Variants in TNFSF11 observed in about 807,000 individuals in gnomAD.
TNFSF11 encodes the protein TNF superfamily member 11.
A neutral mutation model predicts 32.2 loss-of-function variants in TNFSF11; 12 were observed. The observed-to-expected ratio is 0.37, with a 90% CI of 0.24 to 0.60. The LOEUF (loss-of-function observed/expected upper bound fraction) is 0.60. Ranked by LOEUF, TNFSF11 falls within the 20% of genes least tolerant of loss-of-function variation. TNFSF11 has a pLI of 0.66. For synonymous variants in TNFSF11, 172 were observed against 152.1 expected (o/e 1.13, Z -0.96); for missense variants, 345 against 398.0 (o/e 0.87, Z 1.13).
chr13:42,594,293 G>A (rs2137891695), intron 2 of TNFSF11, among the ~76,000 whole-genome samples: 1 of 152,044 alleles, frequency 6.6e-6, no homozygotes, highest in East Asian at 1.9e-4. Flanking sequence ...TATTGGCCAG[G>A]CTGGTCTTGA....
chr13:42,574,806 T>C (rs1873227260), intron 1 of TNFSF11, among the ~76,000 whole-genome samples: 1 of 152,188 alleles, frequency 6.6e-6, no homozygotes, highest in South Asian at 2.1e-4. Context: ...CCCCGTCCCT[T>C]CGCTGGGAAA....
chr13:42,598,430 T>A (rs956942763), intron 2 of TNFSF11, among the ~76,000 whole-genome samples: 9 of 152,200 alleles, frequency 5.9e-5, no homozygotes, highest in Admixed American at 2.6e-4. Flanking sequence ...ATGCTGCATA[T>A]CCAGCTTTGC....
Position 42,600,820 on chromosome 13 carries a change from G to T in TNFSF11, c.433+23G>T, listed in dbSNP as rs1406754821. ...AAGGTAAGCATGGATCCATACATCT[G>T]TATGAAATCCCACAGGGTCACTACT... On this transcript the variant is annotated intron_variant, in intron 3 of 4. Coordinates refer to ENST00000398795, the MANE Select transcript of TNFSF11 (RefSeq NM_003701.4). The T allele has an allele frequency of 1.9e-6, 3 of 1,614,076 alleles. No individual in the cohort carries two copies. The South Asian group carries it at 3.3e-5, about 18-fold the overall frequency.
chr13:42,579,468 C>T (rs1204546921), intron 1 of TNFSF11, among the ~76,000 whole-genome samples: 1 of 151,236 alleles, frequency 6.6e-6, no homozygotes, highest in Non-Finnish European at 1.5e-5. Flanking sequence ...ATAAAGGGGA[C>T]TGCTGCTTCT....
rs575859416 is a variant in TNFSF11 at position 42,602,652 on chromosome 13, A to G, written c.532+1671A>G. The stretch of plus-strand genomic sequence containing the variant: ...TACACTAATTTTCTCTGAGTGGAAA[A>G]CTGTTTTGCATGTTAGCAAAGGCAA... On this transcript the variant is annotated intron_variant, in intron 4 of 4. Coordinates refer to ENST00000398795, the MANE Select transcript of TNFSF11 (RefSeq NM_003701.4). Among the ~76,000 whole-genome samples, 35 of 152,308 alleles carry G rather than the reference A, an allele frequency of 2.3e-4. No individual in the cohort carries two copies. In the Middle Eastern group the frequency reaches 0.014, roughly 59 times the overall value.
chr13:42,565,213 T>C (rs1358368577), intron 1 of TNFSF11, among the ~76,000 whole-genome samples: 2 of 1,950 alleles, frequency 1.0e-3, no homozygotes, highest in Non-Finnish European at 0.036. Flanking sequence ...ACTTTTAAAA[T>C]ATATATATAT....
intron 2 of TNFSF11, among the ~76,000 whole-genome samples, chr13:42,586,132 T>C (rs527539495): frequency 5.3e-5 from 8 of 152,268 alleles, no homozygotes; most frequent in Admixed American, 1.3e-4. Context: ...AATACATATG[T>C]ACATTTCAGA....
chr13:42,583,928 C>T (rs1594465787), intron 2 of TNFSF11, among the ~76,000 whole-genome samples: 1 of 152,040 alleles, frequency 6.6e-6, no homozygotes, highest in East Asian at 1.9e-4. Flanking sequence ...AGCTGAAATG[C>T]TACAAGCAGG....
At chr13:42,602,328 T>G (rs75829273) in intron 4 of TNFSF11, among the ~76,000 whole-genome samples, 2,576 of 152,166 alleles carry the variant, frequency 0.017, 88 homozygotes, top group African/African-American at 0.059. Context: ...CACTTGGGAG[T>G]GTGATTTGTT....
chr13:42,571,621 G>A (rs944401098), upstream of TNFSF11: 1 of 152,172 alleles, frequency 6.6e-6, no homozygotes, highest in Admixed American at 6.5e-5. Context: ...CTCACGCCTC[G>A]GCCACCCAAA....
chr13:42,594,203 C>T (rs187108062), intron 2 of TNFSF11, among the ~76,000 whole-genome samples: 9 of 152,046 alleles, frequency 5.9e-5, no homozygotes, highest in African/African-American at 1.7e-4. Flanking sequence ...CTTAGCCTCC[C>T]GAGTACCTGG....
At chr13:42,599,348 T>TCTATCATC (rs1555310738) in intron 2 of TNFSF11, among the ~76,000 whole-genome samples, 1 of 76,846 alleles carries the variant, frequency 1.3e-5, no homozygotes, top group Non-Finnish European at 2.7e-5. Context: ...TATCTATCTA[T>TCTATCATC]CATCTATCTA....
chr13:42,584,113 G>A (rs1027428614), intron 2 of TNFSF11, among the ~76,000 whole-genome samples: 5 of 152,074 alleles, frequency 3.3e-5, no homozygotes, highest in Non-Finnish European at 7.4e-5. Flanking sequence ...CTCTACAGAG[G>A]CATTTAAAAT....
chr13:42,586,549 G>T (rs1464684790), intron 2 of TNFSF11, among the ~76,000 whole-genome samples: 2 of 152,064 alleles, frequency 1.3e-5, no homozygotes, highest in South Asian at 2.1e-4. Context: ...TTTTCATCAG[G>T]CTTCTTTGTT....
intron 2 of TNFSF11, among the ~76,000 whole-genome samples, chr13:42,591,301 C>A (rs1197926123): frequency 2.0e-5 from 3 of 152,026 alleles, no homozygotes; most frequent in Admixed American, 6.5e-5. Context: ...TGGCTTTTAC[C>A]TTCGGGATGA....
chr13:42,584,852 A>C (rs976686609), intron 2 of TNFSF11, among the ~76,000 whole-genome samples: 1 of 152,220 alleles, frequency 6.6e-6, no homozygotes, highest in Non-Finnish European at 1.5e-5. Flanking sequence ...TTGCATAGGT[A>C]ATAATATCAG....
intron 4 of TNFSF11, among the ~76,000 whole-genome samples, chr13:42,603,867 A>G (rs1869309219): frequency 6.6e-6 from 1 of 152,198 alleles, no homozygotes; most frequent in Non-Finnish European, 1.5e-5. Context: ...GCCTGTTCCT[A>G]AAAACACCAC....
At position 42,574,280 on chromosome 13, in the gene TNFSF11, T is replaced by C. The variant is rs1344075224; in HGVS notation, c.-24T>C. The C allele has an allele frequency of 1.9e-6, 3 of 1,545,724 alleles. No individual in the cohort carries two copies. The highest frequency in any genetic ancestry group is 1.7e-6 in the Non-Finnish European group (2 of 1,145,538). On this transcript the variant is annotated 5_prime_UTR_variant, in exon 1 of 5. Coordinates refer to ENST00000398795, the MANE Select transcript of TNFSF11 (RefSeq NM_003701.4). ...GAGGGAGCGGGAGAGGGAGGAGAGC[T>C]CCGAAGCGAGAGGGCCGAGCGCCAT... is the stretch of plus-strand genomic sequence containing the variant.
chr13:42,587,138 CTCTGTT>C lies in TNFSF11; in HGVS notation c.387+5849_387+5854del, dbSNP rs532345011. Among the ~76,000 whole-genome samples, 13 of 152,324 alleles carry C rather than the reference CTCTGTT, an allele frequency of 8.5e-5. No homozygotes were observed. In the South Asian group the frequency reaches 2.7e-3, roughly 32 times the overall value. ...TCTGTCCTCAGCATGAACCTTCCAT[CTCTGTT>C]TCTAAGTTGGCTTCTCCATTTGCTG... On this transcript the variant is annotated intron_variant, in intron 2 of 4. Coordinates refer to ENST00000398795, the MANE Select transcript of TNFSF11 (RefSeq NM_003701.4).
Sources: allele counts gnomAD v4.1 joint callset (sites outside exome capture counted in the v4.1 genomes callset), GRCh38; gene constraint gnomAD v4.1.1; transcripts MANE v1.5; gene names NCBI Gene and HGNC (gene_info 2026-07-23, HGNC 2026-07-21).